The following LMCD1 variants were observed in gnomAD, a reference collection of about 807,000 sequenced individuals.
LMCD1 encodes the protein LIM and cysteine-rich domains protein 1.
Under a neutral mutation model 42.7 loss-of-function variants are expected in LMCD1, and 32 were observed. The observed-to-expected ratio is 0.75, with a 90% CI of 0.57 to 1.01. LMCD1 has a LOEUF of 1.01. Among genes scored for constraint, LMCD1 ranks in the 50% least tolerant of loss-of-function variants. The probability of loss-of-function intolerance (pLI) is 0.00; values close to 1 mark genes in which losing one functional copy is unlikely to be tolerated. For synonymous variants in LMCD1, 178 were observed against 184.9 expected (o/e 0.96, Z 0.30); for missense variants, 458 against 483.1 (o/e 0.95, Z 0.49).
Position 8,539,106 on chromosome 3 carries a change from A to G in LMCD1, c.387+1666A>G, listed in dbSNP as rs116236820. Reference sequence around the variant, plus strand: ...TGAAATCTCATGGGGTATGCGCTACATTCTAATCACATGAGAGAGACCACA... The same window carrying G: ...TGAAATCTCATGGGGTATGCGCTACGTTCTAATCACATGAGAGAGACCACA... On this transcript the variant is annotated intron_variant, in intron 3 of 5. Transcript: ENST00000157600. 5.4e-3 allele frequency among the ~76,000 whole-genome samples: 818 copies of G among 152,316 alleles called. 7 individuals are homozygous for G. The highest frequency in any genetic ancestry group is 0.019 in the African/African-American group (778 of 41,580).
Position 8,571,610 on chromosome 3 carries a change from G to A in LMCD1, c.*4012G>A, listed in dbSNP as rs764752288. On this transcript the variant is annotated 3_prime_UTR_variant, in exon 6 of 6. Transcript: ENST00000157600. ...GAGAGAAACGACTGGACTGAGAGAA[G>A]AGCCCACTCCCCTTTATGTAAATTG... 2 of 152,234 alleles carry A rather than the reference G, an allele frequency of 1.3e-5. No individual in the cohort carries two copies. The highest frequency in any genetic ancestry group is 2.9e-5 in the Non-Finnish European group (2 of 68,060). The allele number at this position is 152,234 out of a possible 1,614,324, so 9.4% of individuals were successfully genotyped here. A position where few individuals can be genotyped will look rare whatever the true frequency, so the allele number is the denominator to read the frequency against.
intron 5 of LMCD1, 126 bp from the exon 6 acceptor site, chr3:8,567,314 A>G (rs1695145683): frequency 1.6e-5 from 15 of 941,544 alleles, no homozygotes; most frequent in Non-Finnish European, 2.3e-5. Context: ...TTTTTCCACT[A>G]AGGCTTTAAA....
At chr3:8,525,108 A>G (rs1316545541) in intron 1 of LMCD1, among the ~76,000 whole-genome samples, 5 of 152,232 alleles carry the variant, frequency 3.3e-5, no homozygotes, top group Admixed American at 1.3e-4. Flanking sequence ...ATTGTTAACT[A>G]TAGTCATGAT....
chr3:8,532,443 C>T (rs1019437269), intron 1 of LMCD1, among the ~76,000 whole-genome samples: 6 of 152,222 alleles, frequency 3.9e-5, no homozygotes, highest in East Asian at 1.9e-4. Context: ...CACAGCAGGG[C>T]GTTTCCAACC....
chr3:8,504,491 TG>T (rs1465993700), intron 1 of LMCD1, among the ~76,000 whole-genome samples: 2 of 152,204 alleles, frequency 1.3e-5, no homozygotes, highest in East Asian at 3.9e-4. Flanking sequence ...CCGAGGGGGC[TG>T]GGGCGGGAAT....
chr3:8,567,681 A>G lies in LMCD1; in HGVS notation c.*83A>G. 1.5e-6 allele frequency: 2 copies of G among 1,339,232 alleles called. No individual in the cohort carries two copies. The highest frequency in any genetic ancestry group is 2.1e-6 in the Non-Finnish European group (2 of 972,832). 83.0% of individuals were successfully genotyped at this position (1,339,232 alleles called of 1,614,324 possible). On this transcript the variant is annotated 3_prime_UTR_variant, in exon 6 of 6. Transcript: ENST00000157600. ...GTGCCGAGACCATCCTAAGGGTCCG[A>G]TGTGACAGCAAGCAAGTGAAATAAA...
Position 8,572,123 on chromosome 3 carries a change from G to A in LMCD1, c.*4525G>A, listed in dbSNP as rs1280496546. On this transcript the variant is annotated 3_prime_UTR_variant, in exon 6 of 6. Coordinates refer to ENST00000157600, the MANE Select transcript of LMCD1 (RefSeq NM_014583.4). ...AAGTGTTCTTTGTTCTTTCCTGAAT[G>A]TTCATGACCTTGACATCTTAGAAGA... is the stretch of plus-strand genomic sequence containing the variant. The A allele has an allele frequency of 6.6e-6, 1 of 152,188 alleles. No individual in the cohort carries two copies. Among genetic ancestry groups the A allele is most frequent in the African/African-American group, 2.4e-5 (1 of 41,446 alleles). 9.4% of individuals were successfully genotyped at this position (152,188 alleles called of 1,614,324 possible). A position where few individuals can be genotyped will look rare whatever the true frequency, so the allele number is the denominator to read the frequency against.
At chr3:8,553,087 G>C (rs1313600526) in intron 4 of LMCD1, among the ~76,000 whole-genome samples, 1 of 152,152 alleles carries the variant, frequency 6.6e-6, no homozygotes, top group East Asian at 1.9e-4. Flanking sequence ...GAGAGCTCTG[G>C]AAGCACAGGT....
Position 8,567,433 on chromosome 3 carries a change from T to A in LMCD1, c.940-7T>A. ...GAGTCATGCATTTCTCCTGCTCCCC[T>A]CCCCAGATAATATTCGCTGAGGACT... On this transcript the variant is annotated splice_region_variant and splice_polypyrimidine_tract_variant and intron_variant, in intron 5 of 5. Transcript: ENST00000157600. 2 of 1,613,236 alleles carry A rather than the reference T, an allele frequency of 1.2e-6. No homozygotes were observed. Among genetic ancestry groups the A allele is most frequent in the Non-Finnish European group, 1.7e-6 (2 of 1,179,446 alleles).
chr3:8,548,532 C>T, intron 3 of LMCD1, 36 bp from the exon 4 acceptor site: 1 of 1,452,298 alleles, frequency 6.9e-7, no homozygotes, highest in East Asian at 2.3e-5. Context: ...AAGCCCCATC[C>T]ACATCATGTT....
At chr3:8,536,841 T>G (rs1435426252) in intron 2 of LMCD1, among the ~76,000 whole-genome samples, 1 of 152,202 alleles carries the variant, frequency 6.6e-6, no homozygotes, top group Non-Finnish European at 1.5e-5. Context: ...GTGGGCCAAG[T>G]TTAGGCTATG....
intron 1 of LMCD1, among the ~76,000 whole-genome samples, chr3:8,503,226 C>T (rs1693801805): frequency 6.6e-6 from 1 of 152,158 alleles, no homozygotes; most frequent in African/African-American, 2.4e-5. Flanking sequence ...AAACAAAAGA[C>T]GTGAGAATCA....
At chr3:8,545,001 A>G (rs1255280976) in intron 3 of LMCD1, among the ~76,000 whole-genome samples, 1 of 152,222 alleles carries the variant, frequency 6.6e-6, no homozygotes, top group Non-Finnish European at 1.5e-5. Flanking sequence ...ATAAAAACAA[A>G]TATATAAATG....
intron 1 of LMCD1, among the ~76,000 whole-genome samples, chr3:8,503,007 C>T (rs1450004298): frequency 6.6e-6 from 1 of 152,176 alleles, no homozygotes. Flanking sequence ...TTCACCAGGT[C>T]ACTTTTCTGA....
At chr3:8,503,393 G>A (rs973539082) in intron 1 of LMCD1, among the ~76,000 whole-genome samples, 5 of 152,192 alleles carry the variant, frequency 3.3e-5, no homozygotes, top group African/African-American at 1.2e-4. Context: ...CATTTGTCTG[G>A]AATGTATCAT....
chr3:8,555,738 T>C (rs1396434740), intron 4 of LMCD1, among the ~76,000 whole-genome samples: 1 of 150,178 alleles, frequency 6.7e-6, no homozygotes, highest in Admixed American at 6.6e-5. Flanking sequence ...TTTTTTTTTT[T>C]TTGAGTGGGC....
chr3:8,539,750 T>G (rs1694581412), intron 3 of LMCD1, among the ~76,000 whole-genome samples: 1 of 151,766 alleles, frequency 6.6e-6, no homozygotes, highest in Non-Finnish European at 1.5e-5. Context: ...AAGTCCCATT[T>G]CTGAGATTGG....
chr3:8,549,453 T>A (rs1195505459), intron 4 of LMCD1, among the ~76,000 whole-genome samples: 1 of 152,130 alleles, frequency 6.6e-6, no homozygotes, highest in Non-Finnish European at 1.5e-5. Flanking sequence ...ATCCATCCAT[T>A]CATCAGTCAA....
At position 8,524,424 on chromosome 3, in the gene LMCD1, A is replaced by G. The variant is rs139659928; in HGVS notation, c.43-8313A>G. Among the ~76,000 whole-genome samples, 512 of 152,204 alleles carry G rather than the reference A, an allele frequency of 3.4e-3. 6 individuals carry two copies. The highest frequency in any genetic ancestry group is 0.011 in the African/African-American group (475 of 41,532). Reference sequence around the variant, plus strand: ...GCCAGTCAGTGAAATTTAGAGGAAGAGGAAGGGTTGTGGTTTCCCTTCGGT... The same window carrying G: ...GCCAGTCAGTGAAATTTAGAGGAAGGGGAAGGGTTGTGGTTTCCCTTCGGT... On this transcript the variant is annotated intron_variant, in intron 1 of 5. Coordinates refer to ENST00000157600, the MANE Select transcript of LMCD1 (RefSeq NM_014583.4).
Sources: allele counts gnomAD v4.1 joint callset (sites outside exome capture counted in the v4.1 genomes callset), GRCh38; gene constraint gnomAD v4.1.1; transcripts MANE v1.5; gene names NCBI Gene and HGNC (gene_info 2026-07-23, HGNC 2026-07-21).